Variants in FHIP1A observed in about 807,000 individuals in gnomAD.
FHIP1A encodes FHF complex subunit HOOK-interacting protein 1A.
FHIP1A carries 61 observed loss-of-function variants against 88.6 expected under a neutral mutation model. That is an observed-to-expected ratio of 0.69 (90% CI 0.56 to 0.85). The LOEUF (loss-of-function observed/expected upper bound fraction) is 0.85, where lower values mean the gene tolerates loss of function less well. FHIP1A is among the 40% of genes least tolerant of loss of function. The pLI is 0.00. For synonymous variants in FHIP1A, 478 were observed against 496.0 expected, an observed-to-expected ratio of 0.96 and a Z score of 0.48; for missense variants, 1,154 against 1,273.5, an observed-to-expected ratio of 0.91 and a Z score of 1.43.
intron 7 of FHIP1A, among the ~76,000 whole-genome samples, chr4:151,611,929 CTTTGTG>C (rs1735337819): frequency 6.6e-6 from 1 of 152,096 alleles, no homozygotes; most frequent in South Asian, 2.1e-4. Flanking sequence ...GAAACATTTC[CTTTGTG>C]TTTAAGATTC....
chr4:151,588,768 C>T (rs1205273736), intron 6 of FHIP1A, 72 bp from the exon 7 acceptor site: 4 of 981,988 alleles, frequency 4.1e-6, no homozygotes, highest in African/African-American at 1.6e-5. Flanking sequence ...AGGATGTACA[C>T]AGAATTGTTT....
chr4:151,614,667 C>T (rs536077468), intron 7 of FHIP1A, among the ~76,000 whole-genome samples: 54 of 152,140 alleles, frequency 3.5e-4, no homozygotes, highest in Admixed American at 1.6e-3. Flanking sequence ...CTAAATGACT[C>T]CATTTTTACA....
chr4:151,505,792 C>T (rs1188559789), intron 3 of FHIP1A, among the ~76,000 whole-genome samples: 1 of 152,086 alleles, frequency 6.6e-6, no homozygotes, highest in African/African-American at 2.4e-5. Flanking sequence ...GCCTTGGCAA[C>T]ATAGTGAAAA....
At chr4:151,457,808 A>C (rs1295162655) in intron 2 of FHIP1A, among the ~76,000 whole-genome samples, 2 of 152,144 alleles carry the variant, frequency 1.3e-5, no homozygotes, top group Non-Finnish European at 2.9e-5. Context: ...GTATAATATG[A>C]ATATAAGTTT....
intron 3 of FHIP1A, among the ~76,000 whole-genome samples, chr4:151,491,109 A>T (rs1220333285): frequency 1.3e-5 from 2 of 152,182 alleles, no homozygotes; most frequent in East Asian, 1.9e-4. Context: ...CTTGCTAGAG[A>T]TCTAGACATC....
At chr4:151,502,767 T>C (rs1471092045) in intron 3 of FHIP1A, among the ~76,000 whole-genome samples, 1 of 152,172 alleles carries the variant, frequency 6.6e-6, no homozygotes, top group African/African-American at 2.4e-5. Context: ...ATATACAATT[T>C]TGTGTTCAAT....
intron 1 of FHIP1A, among the ~76,000 whole-genome samples, chr4:151,416,036 G>C (rs1732879909): frequency 6.6e-6 from 1 of 152,100 alleles, no homozygotes; most frequent in African/African-American, 2.4e-5. Context: ...AGAATGCAGA[G>C]TGTATTTTAG....
At chr4:151,624,760 G>A (rs189502503) in intron 7 of FHIP1A, among the ~76,000 whole-genome samples, 41 of 152,250 alleles carry the variant, frequency 2.7e-4, no homozygotes, top group Middle Eastern at 3.4e-3. Context: ...GGCCTCTGGC[G>A]GTGCTAGCAG....
chr4:151,622,685 C>G (rs1234640423), intron 7 of FHIP1A, among the ~76,000 whole-genome samples: 1 of 151,938 alleles, frequency 6.6e-6, no homozygotes, highest in East Asian at 1.9e-4. Context: ...AAATTGTAAC[C>G]AAGAAGTTTG....
intron 1 of FHIP1A, among the ~76,000 whole-genome samples, chr4:151,450,007 T>C (rs1372127835): frequency 1.3e-5 from 2 of 152,154 alleles, no homozygotes; most frequent in Non-Finnish European, 2.9e-5. Flanking sequence ...ACATCTTTAC[T>C]CAAAAATTCC....
chr4:151,550,623 T>C (rs1228946511), intron 3 of FHIP1A, among the ~76,000 whole-genome samples: 1 of 152,240 alleles, frequency 6.6e-6, no homozygotes, highest in African/African-American at 2.4e-5. Context: ...CTTTCTTGGT[T>C]TGAAGGCTTG....
intron 3 of FHIP1A, among the ~76,000 whole-genome samples, chr4:151,499,940 G>A (rs751605067): frequency 1.4e-4 from 22 of 152,128 alleles, no homozygotes; most frequent in Non-Finnish European, 2.9e-4. Flanking sequence ...AGATTTGGGT[G>A]GTGACACAGC....
chr4:151,558,560 C>T (rs969798514), intron 3 of FHIP1A, among the ~76,000 whole-genome samples: 1 of 140,614 alleles, frequency 7.1e-6, no homozygotes, highest in African/African-American at 2.6e-5. Context: ...ACAAAACAAA[C>T]AAACAGAAAA....
At chr4:151,448,739 T>C (rs1253084603) in intron 1 of FHIP1A, among the ~76,000 whole-genome samples, 1 of 152,210 alleles carries the variant, frequency 6.6e-6, no homozygotes, top group African/African-American at 2.4e-5. Flanking sequence ...TTTTTTGGTG[T>C]TGTGAATGCT....
intron 9 of FHIP1A, among the ~76,000 whole-genome samples, chr4:151,643,387 C>G (rs1736665708): frequency 6.6e-6 from 1 of 152,100 alleles, no homozygotes; most frequent in African/African-American, 2.4e-5. Flanking sequence ...TGCATGCGTG[C>G]ACTGTGTAAT....
chr4:151,424,266 G>C (rs1338866889), intron 1 of FHIP1A, among the ~76,000 whole-genome samples: 2 of 152,166 alleles, frequency 1.3e-5, no homozygotes, highest in Non-Finnish European at 2.9e-5. Flanking sequence ...CAGGTAACTG[G>C]CAGCCCCATC....
intron 1 of FHIP1A, among the ~76,000 whole-genome samples, chr4:151,417,267 T>C (rs1732931723): frequency 1.3e-5 from 2 of 152,110 alleles, no homozygotes; most frequent in Non-Finnish European, 2.9e-5. Context: ...AGGCTTCCCA[T>C]TGGTTACTTG....
At chr4:151,638,641 A>G (rs1366926933) in intron 8 of FHIP1A, 36 bp from the exon 9 acceptor site, 9 of 1,314,448 alleles carry the variant, frequency 6.8e-6, no homozygotes, top group Admixed American at 6.3e-5. Flanking sequence ...TATCGTTCCA[A>G]CATCTGAACT....
At chr4:151,581,175 T>C (rs1167019590) in intron 5 of FHIP1A, among the ~76,000 whole-genome samples, 3 of 152,206 alleles carry the variant, frequency 2.0e-5, no homozygotes, top group African/African-American at 7.2e-5. Context: ...ACATAAAATT[T>C]TAAAACACAG....
Sources: gnomAD v4.1 joint callset for allele counts (sites outside exome capture counted in the v4.1 genomes callset) on GRCh38, gnomAD v4.1.1 for gene constraint, MANE v1.5 for transcripts, NCBI Gene and HGNC (gene_info 2026-07-23, HGNC 2026-07-21) for gene names.